PTPRS: variants seen among roughly 807,000 people sequenced by gnomAD.
PTPRS encodes the protein protein tyrosine phosphatase receptor type S, also known as receptor-type tyrosine-protein phosphatase S.
PTPRS carries 63 observed loss-of-function variants against 215.3 expected under a neutral mutation model. That is an observed-to-expected ratio of 0.29 (90% CI 0.24 to 0.36). The LOEUF (loss-of-function observed/expected upper bound fraction) is 0.36, where lower values mean the gene tolerates loss of function less well. PTPRS is among the 10% of genes least tolerant of loss of function. The probability of loss-of-function intolerance (pLI) is 1.00; values close to 1 mark genes in which losing one functional copy is unlikely to be tolerated. For missense variants in PTPRS, 2,258 were observed against 2,825.8 expected (o/e 0.80, Z 4.56); for synonymous variants, 1,404 against 1,191.4 (o/e 1.18, Z -3.68).
chr19:5,208,456 C>T, intron 35 of PTPRS, 65 bp from the exon 36 acceptor site: 1 of 1,363,448 alleles, frequency 7.3e-7, no homozygotes, highest in Non-Finnish European at 9.8e-7. Flanking sequence ...TTTCTCCATC[C>T]TCCCTATCTT....
intron 1 of PTPRS, among the ~76,000 whole-genome samples, chr19:5,298,713 G>A (rs118069549): frequency 5.4e-4 from 83 of 152,334 alleles, no homozygotes; most frequent in African/African-American, 9.1e-4. Flanking sequence ...CCACAGGCAC[G>A]CCCCAGCTCC....
intron 16 of PTPRS, among the ~76,000 whole-genome samples, chr19:5,226,401 G>T (rs1307550992): frequency 6.6e-6 from 1 of 152,192 alleles, no homozygotes; most frequent in Non-Finnish European, 1.5e-5. Context: ...CAGGAATTTT[G>T]TGAGCCACTT....
intron 2 of PTPRS, among the ~76,000 whole-genome samples, chr19:5,280,275 C>T (rs1203903614): frequency 6.6e-6 from 1 of 152,168 alleles, no homozygotes; most frequent in African/African-American, 2.4e-5. Flanking sequence ...TCCCTGTGGG[C>T]CCCAACGCCT....
rs1649262917 is a variant in PTPRS, at chr19:5,229,563, G to C, written c.2277C>G (p.His759Gln). ...CCTCGGCGCCCTCCATGCGCACGTA[G>C]TGGACCTGGTAGCCGCGGATCTGGC... ...QHGQIRGYQVHYVRMEGAEAR... is the reference protein window; with the variant it reads ...QHGQIRGYQVQYVRMEGAEAR... Residue 759 changes from histidine to glutamine, a missense_variant, in exon 15 of 38, where the codon CAC (histidine) becomes CAG (glutamine). His to Gln is a conservative substitution (Grantham distance 24). This residue lies in a region of PTPRS where 371 missense variants were observed against 446.7 expected (regional missense o/e 0.83). Coordinates refer to ENST00000262963, the MANE Select transcript of PTPRS (RefSeq NM_002850.4). 1.4e-6 allele frequency: 2 copies of C among 1,459,086 alleles called. No individual in the cohort carries two copies. The highest frequency in any genetic ancestry group is 9.0e-7 in the Non-Finnish European group (1 of 1,106,904). The allele number at this position is 1,459,086 out of a possible 1,614,324, so 90.4% of individuals were successfully genotyped here. A position where few individuals can be genotyped will look rare whatever the true frequency, so the allele number is the denominator to read the frequency against.
intron 30 of PTPRS, 124 bp downstream of exon 30, chr19:5,214,237 T>C: frequency 2.2e-6 from 3 of 1,373,184 alleles, no homozygotes; most frequent in Non-Finnish European, 2.0e-6. Context: ...GTAGTCAGCC[T>C]GGGTAGACAC....
intron 25 of PTPRS, 141 bp from the exon 26 acceptor site, chr19:5,216,908 G>T (rs2041528503): frequency 3.2e-6 from 2 of 633,060 alleles, no homozygotes; most frequent in East Asian, 5.5e-5. Flanking sequence ...CAGCCACCTG[G>T]GCCCCCACCT....
intron 37 of PTPRS, 115 bp downstream of exon 37, chr19:5,207,805 CCA>C: frequency 6.8e-7 from 1 of 1,460,088 alleles, no homozygotes; most frequent in Middle Eastern, 1.9e-4. Context: ...GACCGTCTAC[CCA>C]CAGTGACCCA....
intron 1 of PTPRS, among the ~76,000 whole-genome samples, chr19:5,336,760 G>A (rs1370562880): frequency 7.0e-6 from 1 of 142,914 alleles, no homozygotes; most frequent in East Asian, 2.4e-4. Context: ...ACCGGAGGCT[G>A]AGCCACTCTG....
chr19:5,247,932 G>T (rs2044647062), intron 9 of PTPRS, among the ~76,000 whole-genome samples: 1 of 151,812 alleles, frequency 6.6e-6, no homozygotes, highest in Admixed American at 6.6e-5. Context: ...CTGGAGACAG[G>T]ATGGAGGGAG....
Position 5,244,073 on chromosome 19 carries a change from C to T in PTPRS, c.1398G>A (p.Met466Ile). The part of the protein sequence containing the change: ...LIRGYRVYYT[M>I]EPEHPVGNWQ... ...AGTTGCCCACGGGGTGCTCCGGTTC[C>T]ATGGTGTAGTAGACGCGGTAGCCGC... is the stretch of plus-strand genomic sequence containing the variant. Residue 466 changes from methionine to isoleucine, a missense_variant, in exon 11 of 38, where the codon ATG becomes ATA. Transcript: ENST00000262963. The surrounding 1 kb of genome is among the most constrained non-coding windows in gnomAD (Gnocchi z 7.2). 1 of 1,610,950 alleles carries T rather than the reference C, an allele frequency of 6.2e-7. No individual in the cohort carries two copies. The highest frequency in any genetic ancestry group is 1.6e-4 in the Middle Eastern group (1 of 6,062).
intron 9 of PTPRS, 52 bp from the exon 10 acceptor site, chr19:5,246,097 G>T: frequency 8.3e-7 from 1 of 1,208,002 alleles, no homozygotes; most frequent in Non-Finnish European, 1.1e-6. Context: ...GGGTGAGGTG[G>T]GGTGAGGTTG....
intron 6 of PTPRS, among the ~76,000 whole-genome samples, chr19:5,261,711 A>G (rs1448832575): frequency 2.0e-5 from 3 of 152,088 alleles, no homozygotes; most frequent in Non-Finnish European, 2.9e-5. Flanking sequence ...CTCAGAGGGG[A>G]ATCTCTGAGG....
intron 25 of PTPRS, among the ~76,000 whole-genome samples, chr19:5,217,352 A>T (rs556439118): frequency 6.6e-6 from 1 of 152,376 alleles, no homozygotes; most frequent in East Asian, 1.9e-4. Context: ...CACATTTAAA[A>T]TTCTCATTTG....
At chr19:5,219,250 C>T (rs766552436) in intron 23 of PTPRS, 60 bp downstream of exon 23, 3 of 1,593,434 alleles carry the variant, frequency 1.9e-6, no homozygotes, top group Middle Eastern at 1.7e-4. Flanking sequence ...CAACTCCTCC[C>T]TCCTTTTCCA....
intron 1 of PTPRS, among the ~76,000 whole-genome samples, chr19:5,298,509 TG>T (rs1463109572): frequency 6.6e-6 from 1 of 152,228 alleles, no homozygotes; most frequent in African/African-American, 2.4e-5. Context: ...AGAAACTGGT[TG>T]GGCAGCTTCC....
At chr19:5,298,714 C>G (rs562717951) in intron 1 of PTPRS, among the ~76,000 whole-genome samples, 1 of 152,254 alleles carries the variant, frequency 6.6e-6, no homozygotes, top group Non-Finnish European at 1.5e-5. Context: ...CACAGGCACG[C>G]CCCAGCTCCA....
chr19:5,238,276 CA>C (rs1182108964), intron 13 of PTPRS, among the ~76,000 whole-genome samples: 1 of 152,014 alleles, frequency 6.6e-6, no homozygotes, highest in African/African-American at 2.4e-5. Flanking sequence ...TCGCTCCAAA[CA>C]GGGAGGCCGG....
chr19:5,263,903 G>A (rs913077316), intron 5 of PTPRS, among the ~76,000 whole-genome samples: 1 of 152,202 alleles, frequency 6.6e-6, no homozygotes, highest in Non-Finnish European at 1.5e-5. Context: ...GCCCACAGGC[G>A]GGAGGCAGGC....
chr19:5,216,351 G>A (rs2041451778), intron 26 of PTPRS, among the ~76,000 whole-genome samples: 1 of 152,160 alleles, frequency 6.6e-6, no homozygotes, highest in Non-Finnish European at 1.5e-5. Flanking sequence ...GCTCTCAGGT[G>A]GTTTCCAGAC....
Sources: allele counts gnomAD v4.1 joint callset (sites outside exome capture counted in the v4.1 genomes callset), GRCh38; gene constraint gnomAD v4.1.1; regional missense constraint gnomAD v4.1.1; non-coding constraint Gnocchi (gnomAD v3.1); transcripts MANE v1.5; gene names NCBI Gene and HGNC (gene_info 2026-07-23, HGNC 2026-07-21).